GPRIN3: variants seen among roughly 807,000 people sequenced by gnomAD.
The protein encoded by GPRIN3 is GPRIN family member 3.
A neutral mutation model predicts 13.7 loss-of-function variants in GPRIN3; 12 were observed. The ratio of observed to expected loss-of-function variants is 0.87; its 90% CI spans 0.56 to 1.42. The LOEUF is 1.42. GPRIN3 is among the 40% of genes most tolerant of loss of function. The pLI is 0.00. For synonymous variants in GPRIN3, 377 were observed against 372.7 expected (o/e 1.01, Z -0.13); for missense variants, 1,009 against 958.7 (o/e 1.05, Z -0.69).
intron 1 of GPRIN3, among the ~76,000 whole-genome samples, chr4:89,270,969 G>GCC (rs2149271492): frequency 6.6e-6 from 1 of 152,206 alleles, no homozygotes; most frequent in Non-Finnish European, 1.5e-5. Context: ...TAGGTACCGT[G>GCC]GTCAGGCTGT....
intron 1 of GPRIN3, among the ~76,000 whole-genome samples, chr4:89,272,227 C>T (rs1173563930): frequency 6.6e-6 from 1 of 152,072 alleles, no homozygotes; most frequent in Non-Finnish European, 1.5e-5. Context: ...GGAAATGGGG[C>T]CTGTATCTTA....
At chr4:89,251,489 A>G (rs1412705274) in intron 1 of GPRIN3, among the ~76,000 whole-genome samples, 1 of 152,218 alleles carries the variant, frequency 6.6e-6, no homozygotes, top group African/African-American at 2.4e-5. Context: ...ACACCAACAT[A>G]TATGAATATG....
intron 1 of GPRIN3, among the ~76,000 whole-genome samples, chr4:89,251,613 T>A (rs1394274705): frequency 6.6e-6 from 1 of 152,188 alleles, no homozygotes; most frequent in Non-Finnish European, 1.5e-5. Context: ...ATGCAACCAG[T>A]AAAGTAAATA....
At chr4:89,258,885 A>G (rs776988715) in intron 1 of GPRIN3, among the ~76,000 whole-genome samples, 12 of 152,226 alleles carry the variant, frequency 7.9e-5, no homozygotes, top group Non-Finnish European at 1.5e-4. Flanking sequence ...ATGTCACAAA[A>G]TAAAATGGAC....
chr4:89,244,244 G>T lies in GPRIN3; in HGVS notation c.*3536C>A, dbSNP rs1354779951. 1 of 152,018 alleles carries T rather than the reference G, an allele frequency of 6.6e-6. No individual in the cohort carries two copies. Among genetic ancestry groups the T allele is most frequent in the Admixed American group, 6.6e-5 (1 of 15,254 alleles). The allele number at this position is 152,018 out of a possible 1,614,324, so 9.4% of individuals were successfully genotyped here. A position where few individuals can be genotyped will look rare whatever the true frequency, so the allele number is the denominator to read the frequency against. ...AAGCTCCTATTATGAATTTGGTTCTGAAATCCAACCTCTAAGGTATATGTT... is the reference window on the plus strand; with the variant it reads ...AAGCTCCTATTATGAATTTGGTTCTTAAATCCAACCTCTAAGGTATATGTT... On this transcript the variant is annotated 3_prime_UTR_variant, in exon 2 of 2. Transcript: ENST00000609438.
At chr4:89,297,366 C>A (rs76084051) in intron 1 of GPRIN3, among the ~76,000 whole-genome samples, 1 of 152,124 alleles carries the variant, frequency 6.6e-6, no homozygotes, top group Non-Finnish European at 1.5e-5. Context: ...ATCAAGATGG[C>A]AAAGTGCCTC....
chr4:89,250,299 CTG>C, intron 1 of GPRIN3, 66 bp from the exon 2 acceptor site: 1 of 1,208,504 alleles, frequency 8.3e-7, no homozygotes, highest in Non-Finnish European at 1.1e-6. Flanking sequence ...ATAAACCAAA[CTG>C]TCGTTTTTAT....
At chr4:89,272,036 A>G (rs556721461) in intron 1 of GPRIN3, among the ~76,000 whole-genome samples, 1 of 152,272 alleles carries the variant, frequency 6.6e-6, no homozygotes, top group East Asian at 1.9e-4. Context: ...CTGTCAATGA[A>G]CCAGAAAGGG....
intron 1 of GPRIN3, among the ~76,000 whole-genome samples, chr4:89,295,067 A>G (rs1224024337): frequency 6.6e-6 from 1 of 152,242 alleles, no homozygotes; most frequent in Non-Finnish European, 1.5e-5. Context: ...TCAGACTTAT[A>G]AAGATTTCTA....
intron 1 of GPRIN3, among the ~76,000 whole-genome samples, chr4:89,266,040 T>C (rs527665996): frequency 2.0e-4 from 31 of 152,324 alleles, no homozygotes; most frequent in Admixed American, 5.2e-4. Context: ...AAGAATAATG[T>C]TCAGTTGTTG....
At chr4:89,286,201 T>C (rs2110008895) in intron 1 of GPRIN3, among the ~76,000 whole-genome samples, 1 of 152,080 alleles carries the variant, frequency 6.6e-6, no homozygotes, top group Middle Eastern at 3.4e-3. Context: ...GTTTTAACAA[T>C]GGTAGTGAAA....
chr4:89,258,050 C>G (rs1314661455), intron 1 of GPRIN3, among the ~76,000 whole-genome samples: 1 of 151,312 alleles, frequency 6.6e-6, no homozygotes, highest in Non-Finnish European at 1.5e-5. Context: ...TCTTTTTCCT[C>G]TTACCTTCCT....
At chr4:89,258,134 T>C (rs1723527954) in intron 1 of GPRIN3, among the ~76,000 whole-genome samples, 2 of 151,300 alleles carry the variant, frequency 1.3e-5, no homozygotes, top group Non-Finnish European at 3.0e-5. Context: ...CGCCAGAGTA[T>C]CAAAAGAAAA....
At chr4:89,259,492 A>G (rs1002450085) in intron 1 of GPRIN3, among the ~76,000 whole-genome samples, 8 of 152,348 alleles carry the variant, frequency 5.3e-5, no homozygotes, top group African/African-American at 1.9e-4. Context: ...AAAGTAAACT[A>G]GGCAGCCTCC....
In GPRIN3 at chr4:89,250,160, C is replaced by T; in HGVS notation, c.-50G>A. ...AGAGCTCTCTTGAGTACTGGTCCCACTGGTGGGGGAGGGGAGCGCAGTCAG... is the reference window on the plus strand; with the variant it reads ...AGAGCTCTCTTGAGTACTGGTCCCATTGGTGGGGGAGGGGAGCGCAGTCAG... On this transcript the variant is annotated 5_prime_UTR_variant, in exon 2 of 2. In the 5' UTR this introduces an upstream ATG that the reference lacks. Transcript: ENST00000609438. 1 of 1,553,310 alleles carries T rather than the reference C, an allele frequency of 6.4e-7. No individual in the cohort carries two copies. Among genetic ancestry groups the T allele is most frequent in the African/African-American group, 1.4e-5 (1 of 73,392 alleles).
chr4:89,242,213 G>A lies in GPRIN3; in HGVS notation c.*5567C>T, dbSNP rs1722963085. The A allele has an allele frequency of 6.6e-6, 1 of 152,186 alleles. No homozygotes were observed. Among genetic ancestry groups the A allele is most frequent in the African/African-American group, 2.4e-5 (1 of 41,448 alleles). The allele number at this position is 152,186 out of a possible 1,614,324, so 9.4% of individuals were successfully genotyped here. ...AATCCAGAAAGATACTTGATGAAGA[G>A]TTAGCATTTAGAAGTGCCCATCTGG... On this transcript the variant is annotated 3_prime_UTR_variant, in exon 2 of 2. Transcript: ENST00000609438.
chr4:89,293,953 T>C (rs1724660976), intron 1 of GPRIN3, among the ~76,000 whole-genome samples: 2 of 152,232 alleles, frequency 1.3e-5, no homozygotes, highest in African/African-American at 2.4e-5. Context: ...TTAAAATTTA[T>C]GATATTGTCA....
At chr4:89,263,183 G>A (rs13141296) in intron 1 of GPRIN3, among the ~76,000 whole-genome samples, 64,594 of 152,068 alleles carry the variant, frequency 0.42, 15,606 homozygotes, top group South Asian at 0.67. Flanking sequence ...TGCTGCTAAT[G>A]TTACCTTTGT....
In GPRIN3 at chr4:89,238,887, T is replaced by G. The variant is rs1467572791; in HGVS notation, c.*8893A>C. The G allele has an allele frequency of 6.6e-6, 1 of 152,054 alleles. No homozygotes were observed. Among genetic ancestry groups the G allele is most frequent in the Non-Finnish European group, 1.5e-5 (1 of 68,012 alleles). 9.4% of individuals were successfully genotyped at this position (152,054 alleles called of 1,614,324 possible). ...TCTATATTACATTTATTATGAAAAGTGAGATGCAAAAAAATCATAATCTAA... is the reference window on the plus strand; with the variant it reads ...TCTATATTACATTTATTATGAAAAGGGAGATGCAAAAAAATCATAATCTAA... On this transcript the variant is annotated 3_prime_UTR_variant, in exon 2 of 2. Transcript: ENST00000609438.
Sources: gnomAD v4.1 joint callset for allele counts (sites outside exome capture counted in the v4.1 genomes callset) on GRCh38, gnomAD v4.1.1 for gene constraint, MANE v1.5 for transcripts, NCBI Gene and HGNC (gene_info 2026-07-23, HGNC 2026-07-21) for gene names.